CHN2: variants seen among roughly 807,000 people sequenced by gnomAD.
CHN2 encodes beta-chimaerin.
Under a neutral mutation model 56.3 loss-of-function variants are expected in CHN2, and 35 were observed. The observed-to-expected ratio is 0.62, with a 90% confidence interval of 0.47 to 0.82. The LOEUF (loss-of-function observed/expected upper bound fraction) is 0.82, where lower values mean the gene tolerates loss of function less well. Ranked by LOEUF, CHN2 falls within the 40% of genes least tolerant of loss-of-function variation. The pLI, the probability that CHN2 is intolerant of heterozygous loss-of-function variation, is 0.00. For synonymous variants in CHN2, 210 were observed against 212.8 expected (o/e 0.99, Z 0.12); for missense variants, 491 against 580.5 (o/e 0.85, Z 1.58).
chr7:29,413,643 G>A (rs1056568636), intron 6 of CHN2, among the ~76,000 whole-genome samples: 5 of 152,164 alleles, frequency 3.3e-5, no homozygotes, highest in African/African-American at 7.2e-5. Flanking sequence ...CAAGAAACCC[G>A]GGGCTTGGGA....
At chr7:29,433,281 T>C (rs937879547) in intron 6 of CHN2, among the ~76,000 whole-genome samples, 1 of 152,176 alleles carries the variant, frequency 6.6e-6, no homozygotes, top group Non-Finnish European at 1.5e-5. Context: ...AAAAGGACCT[T>C]TGGGGTCAAG....
chr7:29,485,404 A>G (rs921160976), intron 7 of CHN2, among the ~76,000 whole-genome samples: 8 of 152,204 alleles, frequency 5.3e-5, no homozygotes, highest in African/African-American at 1.9e-4. Context: ...TGCGCCCTGA[A>G]GCTGACCCTG....
chr7:29,363,333 A>C (rs1389350362), intron 2 of CHN2, among the ~76,000 whole-genome samples: 1 of 152,196 alleles, frequency 6.6e-6, no homozygotes, highest in Non-Finnish European at 1.5e-5. Flanking sequence ...AAAAATACAA[A>C]AATTAGCCAG....
chr7:29,433,049 C>T (rs2128116401), intron 6 of CHN2, among the ~76,000 whole-genome samples: 2 of 152,332 alleles, frequency 1.3e-5, no homozygotes, highest in South Asian at 4.1e-4. Context: ...GAGGGATCAG[C>T]TCTTACTGGC....
At chr7:29,495,863 C>A in intron 7 of CHN2, 89 bp from the exon 8 acceptor site, 2 of 1,051,522 alleles carry the variant, frequency 1.9e-6, no homozygotes, top group Middle Eastern at 2.0e-4. Flanking sequence ...TGGGGGATCG[C>A]TCCTGCTGAT....
intron 2 of CHN2, among the ~76,000 whole-genome samples, chr7:29,149,189 CTTT>C (rs60520174): frequency 1.0e-5 from 1 of 100,336 alleles, no homozygotes; most frequent in African/African-American, 3.9e-5. Context: ...GTCTGTTTCC[CTTT>C]TTTTTTTTTT....
intron 2 of CHN2, chr7:29,148,428 T>G (rs946863490): frequency 6.6e-6 from 1 of 152,256 alleles, no homozygotes; most frequent in Non-Finnish European, 1.5e-5. Flanking sequence ...AAGAACACCA[T>G]TTGAAAGTTA....
rs370999408 is a variant in CHN2, at chr7:29,354,659, A to G, written c.84A>G (p.Ser28=). 81 of 1,612,196 alleles carry G rather than the reference A, an allele frequency of 5.0e-5. No individual in the cohort carries two copies. In the South Asian group the frequency reaches 8.1e-4, roughly 16 times the overall value. ...AEEYQPPIWK[S]YLYQLQQEAP... ...AATACCAGCCTCCTATATGGAAATC[A>G]TACTGTGAGTACCTGAAATGAAAAT... is the stretch of plus-strand genomic sequence containing the variant. Residue 28 remains serine, a synonymous_variant, in exon 2 of 13, where the codon TCA becomes TCG. Coordinates refer to ENST00000222792, the MANE Select transcript of CHN2 (RefSeq NM_004067.4).
At chr7:29,156,808 T>C (rs1214363656) in intron 2 of CHN2, among the ~76,000 whole-genome samples, 1 of 87,742 alleles carries the variant, frequency 1.1e-5, no homozygotes, top group Non-Finnish European at 2.1e-5. Context: ...GAAGTCATAA[T>C]TCTTTATCAA....
chr7:29,349,294 A>G (rs148413582), intron 1 of CHN2, among the ~76,000 whole-genome samples: 81 of 152,336 alleles, frequency 5.3e-4, no homozygotes, highest in African/African-American at 1.9e-3. Flanking sequence ...TTTTGTTTAC[A>G]GATTAAGCAT....
intron 1 of CHN2, among the ~76,000 whole-genome samples, chr7:29,295,668 A>T (rs1225161783): frequency 6.6e-6 from 1 of 152,210 alleles, no homozygotes; most frequent in East Asian, 1.9e-4. Flanking sequence ...CAATGTTTTC[A>T]TCTGGTAGCA....
intron 6 of CHN2, among the ~76,000 whole-genome samples, chr7:29,426,279 A>G (rs1804861882): frequency 6.6e-6 from 1 of 150,390 alleles, no homozygotes; most frequent in Admixed American, 6.6e-5. Flanking sequence ...GGATTTTTGC[A>G]TCAGAAATGT....
At chr7:29,426,941 G>C (rs1554291684) in intron 6 of CHN2, among the ~76,000 whole-genome samples, 1 of 152,158 alleles carries the variant, frequency 6.6e-6, no homozygotes, top group Non-Finnish European at 1.5e-5. Flanking sequence ...CCATCTGCCA[G>C]TGTCAAGTCT....
At chr7:29,211,893 T>A (rs1784987005) in intron 1 of CHN2, among the ~76,000 whole-genome samples, 1 of 152,220 alleles carries the variant, frequency 6.6e-6, no homozygotes, top group Non-Finnish European at 1.5e-5. Context: ...TTTTAATAAC[T>A]TTTTATAAAG....
intron 1 of CHN2, among the ~76,000 whole-genome samples, chr7:29,265,051 T>G (rs1422878735): frequency 1.3e-5 from 2 of 152,150 alleles, no homozygotes; most frequent in Non-Finnish European, 2.9e-5. Context: ...TTTGGGCAAC[T>G]TTATGTTGAG....
At chr7:29,169,228 C>T (rs569419871) in intron 2 of CHN2, among the ~76,000 whole-genome samples, 14 of 152,086 alleles carry the variant, frequency 9.2e-5, no homozygotes, top group Admixed American at 4.6e-4. Context: ...GGTTGTACTA[C>T]GAATAAATGC....
intron 7 of CHN2, among the ~76,000 whole-genome samples, chr7:29,485,414 G>A (rs933921071): frequency 1.3e-5 from 2 of 152,198 alleles, no homozygotes; most frequent in African/African-American, 4.8e-5. Flanking sequence ...AGCTGACCCT[G>A]TGGTGATGTA....
chr7:29,235,029 G>T (rs1787078620), intron 1 of CHN2, among the ~76,000 whole-genome samples: 1 of 152,154 alleles, frequency 6.6e-6, no homozygotes, highest in African/African-American at 2.4e-5. Flanking sequence ...TCCAGGCATG[G>T]TATTAGGGAT....
At chr7:29,147,949 G>A (rs893993700) in intron 2 of CHN2, among the ~76,000 whole-genome samples, 53 of 152,300 alleles carry the variant, frequency 3.5e-4, no homozygotes, top group African/African-American at 1.2e-3. Context: ...AGGGAGAGGC[G>A]ATTTCCAGTT....
Sources: allele counts gnomAD v4.1 joint callset (sites outside exome capture counted in the v4.1 genomes callset), GRCh38; gene constraint gnomAD v4.1.1; transcripts MANE v1.5; gene names NCBI Gene and HGNC (gene_info 2026-07-23, HGNC 2026-07-21).